The following DRC1 variants were observed in gnomAD, a reference collection of about 807,000 sequenced individuals.
DRC1 encodes the protein dynein regulatory complex protein 1.
In DRC1, 74 loss-of-function variants were observed where a neutral mutation model predicts 98.7. The observed-to-expected ratio is 0.75, with a 90% CI of 0.62 to 0.91. The LOEUF (loss-of-function observed/expected upper bound fraction) is 0.91, where lower values mean the gene tolerates loss of function less well. Ranked by LOEUF, DRC1 falls within the 40% of genes least tolerant of loss-of-function variation. The pLI is 0.00. For missense variants in DRC1, 875 were observed against 886.0 expected, an observed-to-expected ratio of 0.99 and a Z score of 0.16; for synonymous variants, 336 against 334.1, an observed-to-expected ratio of 1.01 and a Z score of -0.06.
At chr2:26,428,077 A>G (rs1663332214) in intron 4 of DRC1, among the ~76,000 whole-genome samples, 1 of 152,216 alleles carries the variant, frequency 6.6e-6, no homozygotes, top group African/African-American at 2.4e-5. Context: ...TTTAAGTTCT[A>G]ACAGGTTTTC....
At chr2:26,425,296 C>T (rs1277834242) in intron 4 of DRC1, among the ~76,000 whole-genome samples, 1 of 152,160 alleles carries the variant, frequency 6.6e-6, no homozygotes, top group Non-Finnish European at 1.5e-5. Flanking sequence ...CATATATATA[C>T]CACATCTTGT....
chr2:26,427,888 C>A (rs1001451437), intron 4 of DRC1, among the ~76,000 whole-genome samples: 1 of 152,320 alleles, frequency 6.6e-6, no homozygotes, highest in African/African-American at 2.4e-5. Context: ...CCATCCACGT[C>A]GTTGCAAATG....
At chr2:26,419,696 A>G (rs1401158572) in intron 2 of DRC1, among the ~76,000 whole-genome samples, 1 of 152,204 alleles carries the variant, frequency 6.6e-6, no homozygotes, top group Non-Finnish European at 1.5e-5. Flanking sequence ...TTTAAAAATT[A>G]TTTGAGAGTT....
At chr2:26,430,955 T>TAA in intron 6 of DRC1, 83 bp downstream of exon 6, 17 of 875,440 alleles carry the variant, frequency 1.9e-5, no homozygotes, top group Non-Finnish European at 2.7e-5. Flanking sequence ...AGCCTTTTTC[T>TAA]ATCTTTTTTT....
At chr2:26,442,638 A>C (rs981759193) in intron 8 of DRC1, among the ~76,000 whole-genome samples, 5 of 152,060 alleles carry the variant, frequency 3.3e-5, no homozygotes, top group African/African-American at 1.2e-4. Context: ...TGCCAACCTC[A>C]TATCCCCAAT....
Position 26,454,530 on chromosome 2 carries a change from T to C in DRC1, c.1920-117T>C. On this transcript the variant is annotated intron_variant, in intron 14 of 16. Transcript: ENST00000288710. This position sits in a 1 kb window ranked among gnomAD's most constrained non-coding sequence, Gnocchi z 5.2. ...GAGAACCTGCCACCGTCTAATAAAC[T>C]TGGACTGCTGAGTGGGAAGGTGACA... The C allele has an allele frequency of 6.9e-7, 1 of 1,446,014 alleles. No individual in the cohort carries two copies. Among genetic ancestry groups the C allele is most frequent in the Non-Finnish European group, 9.4e-7 (1 of 1,064,210 alleles). The allele number at this position is 1,446,014 out of a possible 1,614,324, so 89.6% of individuals were successfully genotyped here.
chr2:26,450,165 C>A (rs1442190785), intron 12 of DRC1, 80 bp downstream of exon 12: 2 of 1,392,936 alleles, frequency 1.4e-6, no homozygotes, highest in Non-Finnish European at 2.0e-6. Flanking sequence ...TTGCCTCAAC[C>A]CTGGCAGTGG....
At chr2:26,416,860 A>G (rs759687814) in intron 2 of DRC1, among the ~76,000 whole-genome samples, 2 of 152,216 alleles carry the variant, frequency 1.3e-5, no homozygotes, top group Admixed American at 6.5e-5. Context: ...TAATTGGCTC[A>G]TGGTTCTGCA....
At chr2:26,423,583 C>G (rs1663207178) in intron 3 of DRC1, among the ~76,000 whole-genome samples, 1 of 152,208 alleles carries the variant, frequency 6.6e-6, no homozygotes, top group Non-Finnish European at 1.5e-5. Flanking sequence ...AAGGCTGTCC[C>G]TATTTTCCAT....
At chr2:26,453,089 A>G (rs1385218813) in intron 13 of DRC1, among the ~76,000 whole-genome samples, 1 of 152,180 alleles carries the variant, frequency 6.6e-6, no homozygotes, top group Non-Finnish European at 1.5e-5. Context: ...AGCACCTAGG[A>G]GCCCGGATTT....
At chr2:26,424,159 C>T (rs1423317311) in intron 3 of DRC1, 112 bp from the exon 4 acceptor site, 3 of 1,263,914 alleles carry the variant, frequency 2.4e-6, no homozygotes, top group African/African-American at 1.5e-5. Flanking sequence ...TGTGTTTGGG[C>T]AGTGCCTAGT....
intron 7 of DRC1, among the ~76,000 whole-genome samples, chr2:26,440,017 A>G (rs1663676774): frequency 6.8e-6 from 1 of 148,086 alleles, no homozygotes; most frequent in Non-Finnish European, 1.5e-5. Flanking sequence ...CTTTATTTGC[A>G]TACAATTTTA....
chr2:26,420,148 G>T (rs1663086929), intron 2 of DRC1, among the ~76,000 whole-genome samples: 3 of 152,172 alleles, frequency 2.0e-5, no homozygotes, highest in Admixed American at 2.0e-4. Flanking sequence ...CAGCCTGGGA[G>T]AAGGGGCAGA....
chr2:26,409,426 A>G (rs1678526512), intron 1 of DRC1, among the ~76,000 whole-genome samples: 1 of 152,222 alleles, frequency 6.6e-6, no homozygotes, highest in Non-Finnish European at 1.5e-5. Context: ...CATAACCAAA[A>G]CAAACCATCC....
At position 26,444,734 on chromosome 2, in the gene DRC1, T is replaced by C; in HGVS notation, c.1182T>C (p.Asp394=). The change falls in exon 10 of 17, where the codon GAT becomes GAC. Residue 394 remains aspartate (D), a synonymous_variant. Coordinates refer to ENST00000288710, the MANE Select transcript of DRC1 (RefSeq NM_145038.5). ...QKAMRHFALI[D]DEKFWEIWLM... is the part of the protein sequence containing the mutation. ...TTCACAGGCATTTTGCTCTTATTGA[T>C]GATGAGAAGTTTTGGGAGATTTGGC... 1.2e-6 allele frequency: 2 copies of C among 1,614,082 alleles called. No individual in the cohort carries two copies. Among genetic ancestry groups the C allele is most frequent in the Non-Finnish European group, 1.7e-6 (2 of 1,180,016 alleles).
At chr2:26,427,158 C>A (rs1663306536) in intron 4 of DRC1, among the ~76,000 whole-genome samples, 1 of 151,924 alleles carries the variant, frequency 6.6e-6, no homozygotes, top group Non-Finnish European at 1.5e-5. Context: ...GCTCTGTCAC[C>A]CAGGCTGGAG....
At position 26,454,741 on chromosome 2, in the gene DRC1, T is replaced by C. The variant is rs200927965; in HGVS notation, c.2014T>C (p.Ser672Pro). The C allele has an allele frequency of 4.3e-6, 7 of 1,614,084 alleles. No homozygotes were observed. Among genetic ancestry groups the C allele is most frequent in the Non-Finnish European group, 5.9e-6 (7 of 1,179,994 alleles). Residue 672 changes from serine (S) to proline (P), a missense_variant, in exon 15 of 17, where the codon TCC becomes CCC. By Grantham distance (74) the Ser-to-Pro change is moderately conservative. Coordinates refer to ENST00000288710, the MANE Select transcript of DRC1 (RefSeq NM_145038.5). This position sits in a 1 kb window ranked among gnomAD's most constrained non-coding sequence, Gnocchi z 5.2. Reference protein sequence around the residue: ...WQALTTVIPSSKQNLWDALYT... With the variant: ...WQALTTVIPSPKQNLWDALYT... ...GGCCCTGACCACAGTGATCCCTTCC[T>C]CCAAGCAGAACCTCTGGGATGCCCT...
chr2:26,430,262 T>C (rs550204417), intron 5 of DRC1, among the ~76,000 whole-genome samples: 65 of 152,124 alleles, frequency 4.3e-4, no homozygotes, highest in Non-Finnish European at 1.0e-4. Context: ...ATTTTGAATT[T>C]GAATGAAATG....
intron 7 of DRC1, among the ~76,000 whole-genome samples, chr2:26,434,658 G>A (rs944283142): frequency 6.6e-6 from 1 of 152,142 alleles, no homozygotes; most frequent in Non-Finnish European, 1.5e-5. Context: ...TTGGGAGGCC[G>A]AGGCAGGTGG....
Sources: gnomAD v4.1 joint callset for allele counts (sites outside exome capture counted in the v4.1 genomes callset) on GRCh38, gnomAD v4.1.1 for gene constraint, Gnocchi (gnomAD v3.1) non-coding constraint, MANE v1.5 for transcripts, NCBI Gene and HGNC (gene_info 2026-07-23, HGNC 2026-07-21) for gene names.